RNLS: variants seen among roughly 807,000 people sequenced by gnomAD.
RNLS encodes the protein renalase.
Under a neutral mutation model 39.8 loss-of-function variants are expected in RNLS, and 39 were observed. The observed-to-expected ratio is 0.98, with a 90% CI of 0.76 to 1.28. RNLS has a LOEUF of 1.28. Among genes scored for constraint, RNLS ranks in the 50% most tolerant of loss-of-function variants. The pLI is 0.00. For synonymous variants in RNLS, 147 were observed against 150.7 expected (o/e 0.98, Z 0.18); for missense variants, 410 against 413.3 (o/e 0.99, Z 0.07).
At chr10:88,219,552 T>C in the RNLS span, among the ~76,000 whole-genome samples, 1 of 152,228 alleles carries the variant, frequency 6.6e-6, no homozygotes, top group African/African-American at 2.4e-5. Context: ...TCCCGGTTTC[T>C]ACCTCATTTT....
At chr10:88,472,526 A>G (rs890195053) in intron 4 of RNLS, among the ~76,000 whole-genome samples, 2 of 152,176 alleles carry the variant, frequency 1.3e-5, no homozygotes, top group Non-Finnish European at 2.9e-5. Context: ...AGGTGGACAA[A>G]GGTGAGGGGA....
chr10:88,260,713 T>C, the RNLS span, among the ~76,000 whole-genome samples: 18 of 152,368 alleles, frequency 1.2e-4, no homozygotes, highest in African/African-American at 4.1e-4. Context: ...ATTTCAGTGC[T>C]TTACCAACTC....
chr10:88,501,963 T>C (rs1209032630), intron 4 of RNLS, among the ~76,000 whole-genome samples: 1 of 152,236 alleles, frequency 6.6e-6, no homozygotes, highest in Middle Eastern at 3.4e-3. Flanking sequence ...ACTTATTGCA[T>C]ATCTGTCTCC....
At chr10:88,173,115 C>T in the RNLS span, among the ~76,000 whole-genome samples, 1,722 of 152,114 alleles carry the variant, frequency 0.011, 19 homozygotes, top group Non-Finnish European at 0.018. Context: ...ACCTCAGCCT[C>T]CCAAAGTGCT....
At chr10:88,203,960 G>A in the RNLS span, among the ~76,000 whole-genome samples, 2 of 152,192 alleles carry the variant, frequency 1.3e-5, no homozygotes, top group African/African-American at 4.8e-5. Context: ...ACCAGGTGTT[G>A]TGTTCAGTCT....
At chr10:88,379,998 C>T (rs61855400) in intron 4 of RNLS, among the ~76,000 whole-genome samples, 32,657 of 152,098 alleles carry the variant, frequency 0.21, 4,451 homozygotes, top group Non-Finnish European at 0.28. Context: ...CAGAGACAAA[C>T]GTCTGCATTG....
chr10:88,263,324 A>G, the RNLS span, among the ~76,000 whole-genome samples: 5 of 152,040 alleles, frequency 3.3e-5, no homozygotes, highest in African/African-American at 1.2e-4. Flanking sequence ...GTCTAGAACA[A>G]TTTTGTTACC....
chr10:88,399,238 A>G (rs1852757878), intron 4 of RNLS, among the ~76,000 whole-genome samples: 1 of 152,072 alleles, frequency 6.6e-6, no homozygotes, highest in African/African-American at 2.4e-5. Context: ...AATTATACAT[A>G]GAGTTACCAT....
At chr10:88,428,873 G>C (rs1854973126) in intron 4 of RNLS, among the ~76,000 whole-genome samples, 1 of 151,960 alleles carries the variant, frequency 6.6e-6, no homozygotes. Flanking sequence ...TGTCATTAAA[G>C]GTGAAGGCAG....
chr10:88,329,853 T>C (rs919739008), intron 5 of RNLS, among the ~76,000 whole-genome samples: 6 of 151,812 alleles, frequency 4.0e-5, no homozygotes, highest in African/African-American at 1.4e-4. Context: ...ATTTGGCTCT[T>C]TTTCAAATCT....
At position 88,285,013 on chromosome 10, in the gene RNLS, G is replaced by C; in HGVS notation, c.*341C>G. 1.0e-6 allele frequency: 1 copy of C among 1,003,924 alleles called. No homozygotes were observed. Among genetic ancestry groups the C allele is most frequent in the Non-Finnish European group, 1.2e-6 (1 of 842,482 alleles). 62.2% of individuals were successfully genotyped at this position (1,003,924 alleles called of 1,614,324 possible). A position where few individuals can be genotyped will look rare whatever the true frequency, so the allele number is the denominator to read the frequency against. On this transcript the variant is annotated 3_prime_UTR_variant, in exon 7 of 7. Transcript: ENST00000331772. ...TATTCAGAATTGAAATTTTCATAAG[G>C]ATAATCAAGTTTTTGGCACACAAAC...
intron 4 of RNLS, among the ~76,000 whole-genome samples, chr10:88,529,733 G>C (rs1287788042): frequency 6.6e-6 from 1 of 152,132 alleles, no homozygotes. Flanking sequence ...CCAAACATAT[G>C]AAAAGAACAG....
chr10:88,574,974 A>G (rs1850077030), intron 3 of RNLS, among the ~76,000 whole-genome samples: 1 of 151,600 alleles, frequency 6.6e-6, no homozygotes, highest in African/African-American at 2.4e-5. Flanking sequence ...GTTTTCTCAT[A>G]ATATTCCTTT....
chr10:88,552,437 T>C lies in RNLS; in HGVS notation c.526+20466A>G, dbSNP rs1037535484. On this transcript the variant is annotated intron_variant, in intron 4 of 6. Transcript: ENST00000331772. Reference sequence around the variant, plus strand: ...ACAGTGAGTGCTGAACAGATGTATGTGTATTATAATAAATTGGAATGCAAT... The same window carrying C: ...ACAGTGAGTGCTGAACAGATGTATGCGTATTATAATAAATTGGAATGCAAT... Among the ~76,000 whole-genome samples, 3 of 152,286 alleles carry C rather than the reference T, an allele frequency of 2.0e-5. No homozygotes were observed. The South Asian group carries it at 6.2e-4, about 32-fold the overall frequency.
chr10:88,453,954 T>C (rs372814153), intron 4 of RNLS, among the ~76,000 whole-genome samples: 1 of 152,240 alleles, frequency 6.6e-6, no homozygotes, highest in Non-Finnish European at 1.5e-5. Flanking sequence ...CAAGAACATA[T>C]TGATCTAGAA....
At chr10:88,268,581 T>C in the RNLS span, among the ~76,000 whole-genome samples, 17,412 of 152,200 alleles carry the variant, frequency 0.11, 1,266 homozygotes, top group East Asian at 0.2. Flanking sequence ...GAAGAACTTA[T>C]TGATTCCTAC....
At chr10:88,455,491 C>T (rs1158280858) in intron 4 of RNLS, among the ~76,000 whole-genome samples, 2 of 152,126 alleles carry the variant, frequency 1.3e-5, no homozygotes, top group Non-Finnish European at 2.9e-5. Flanking sequence ...ACTGCAAGCT[C>T]CACCTCCCGG....
the RNLS span, among the ~76,000 whole-genome samples, chr10:88,186,745 A>T: frequency 6.6e-6 from 1 of 152,194 alleles, no homozygotes; most frequent in Admixed American, 6.5e-5. Context: ...CGGTAAAAAA[A>T]AAAATTTTGA....
the RNLS span, among the ~76,000 whole-genome samples, chr10:88,184,881 C>T: frequency 1.3e-5 from 2 of 152,094 alleles, no homozygotes; most frequent in Non-Finnish European, 2.9e-5. Flanking sequence ...GCTTGTTGGC[C>T]ACCAAGGTAT....
Sources: gnomAD v4.1 joint callset for allele counts (sites outside exome capture counted in the v4.1 genomes callset) on GRCh38, gnomAD v4.1.1 for gene constraint, MANE v1.5 for transcripts, NCBI Gene and HGNC (gene_info 2026-07-23, HGNC 2026-07-21) for gene names.